The following FADS2 variants were observed in gnomAD, a reference collection of about 807,000 sequenced individuals.
FADS2 encodes the protein fatty acid desaturase 2, also known as acyl-CoA 6-desaturase.
Under a neutral mutation model 61.2 loss-of-function variants are expected in FADS2, and 18 were observed. The observed-to-expected ratio is 0.29, with a 90% confidence interval of 0.20 to 0.44. The LOEUF is 0.44. FADS2 is among the 20% of genes least tolerant of loss of function. The pLI is 1.00. For missense variants in FADS2, 322 were observed against 572.7 expected, an observed-to-expected ratio of 0.56 and a Z score of 4.47; for synonymous variants, 203 against 223.9, an observed-to-expected ratio of 0.91 and a Z score of 0.83.
chr11:61,820,839 G>A (rs915710210), intron 1 of FADS2, among the ~76,000 whole-genome samples: 1 of 152,156 alleles, frequency 6.6e-6, no homozygotes, highest in Non-Finnish European at 1.5e-5. Flanking sequence ...GGCAAAGGTT[G>A]CAGTGAGCCG....
intron 7 of FADS2, chr11:61,862,712 C>T: frequency 2.0e-6 from 1 of 491,168 alleles, no homozygotes. Flanking sequence ...GGCTGCCCCT[C>T]AGCAGGAGGG....
chr11:61,837,723 C>G, intron 1 of FADS2, 55 bp from the exon 2 acceptor site: 1 of 1,266,054 alleles, frequency 7.9e-7, no homozygotes, highest in Non-Finnish European at 1.1e-6. Context: ...CTCCTTGGGG[C>G]CCAAGAGCAG....
At chr11:61,846,957 T>G (rs978713934) in intron 4 of FADS2, 1 of 150,348 alleles carries the variant, frequency 6.7e-6, no homozygotes, top group Non-Finnish European at 1.5e-5. Context: ...GTTCTCACTT[T>G]TTTTTTTTTT....
intron 7 of FADS2, among the ~76,000 whole-genome samples, chr11:61,860,658 C>G (rs2067405831): frequency 6.6e-6 from 1 of 152,248 alleles, no homozygotes; most frequent in African/African-American, 2.4e-5. Flanking sequence ...TGGCTCACGC[C>G]TGTGATCTCA....
At chr11:61,825,999 G>A (rs1050911600), upstream of FADS2, 3 of 692,402 alleles carry the variant, frequency 4.3e-6, no homozygotes, top group Non-Finnish European at 2.7e-6. Context: ...CTCGAGCACT[G>A]CCCTCATCTT....
chr11:61,837,664 C>T (rs543581613), intron 1 of FADS2, 114 bp from the exon 2 acceptor site: 57 of 712,118 alleles, frequency 8.0e-5, no homozygotes, highest in African/African-American at 7.3e-4. Flanking sequence ...CAGGAGACCC[C>T]GTTTGGTGTC....
upstream of FADS2, among the ~76,000 whole-genome samples, chr11:61,824,486 G>A (rs1381735543): frequency 4.5e-3 from 42 of 9,272 alleles, 11 homozygotes; most frequent in East Asian, 0.12. Flanking sequence ...GAGAGAGAGA[G>A]AGAGAAAGAA....
chr11:61,865,621 C>T lies in FADS2; in HGVS notation c.1284-17C>T. 1.9e-6 allele frequency: 3 copies of T among 1,612,328 alleles called. No individual in the cohort carries two copies. The highest frequency in any genetic ancestry group is 2.5e-6 in the Non-Finnish European group (3 of 1,178,974). ...CCCGTCCTGGTCCCTGACCCTGGTC[C>T]ATCCCCAACTTTGCAGGTCCCTGAA... On this transcript the variant is annotated splice_polypyrimidine_tract_variant and intron_variant, in intron 11 of 11. Coordinates refer to ENST00000278840, the MANE Select transcript of FADS2 (RefSeq NM_004265.4). The surrounding 1 kb of genome is among the most constrained non-coding windows in gnomAD (Gnocchi z 4.1).
At chr11:61,857,582 G>C in intron 7 of FADS2, 52 bp downstream of exon 7, 1 of 1,497,102 alleles carries the variant, frequency 6.7e-7, no homozygotes, top group Middle Eastern at 1.7e-4. Context: ...GACTGGGACA[G>C]GGGGACCCGG....
upstream of FADS2, chr11:61,825,896 A>C: frequency 3.4e-6 from 2 of 591,030 alleles, no homozygotes; most frequent in South Asian, 4.1e-5. Flanking sequence ...GCATCTCAAA[A>C]AAAAATTAGA....
At chr11:61,833,933 G>A (rs550357416) in intron 1 of FADS2, among the ~76,000 whole-genome samples, 70 of 152,324 alleles carry the variant, frequency 4.6e-4, no homozygotes, top group African/African-American at 1.3e-3. Flanking sequence ...TTATTGCAGC[G>A]AACAAGACAG....
upstream of FADS2, among the ~76,000 whole-genome samples, chr11:61,824,513 A>G (rs867357021): frequency 1.0e-3 from 122 of 117,008 alleles, 6 homozygotes; most frequent in Admixed American, 2.0e-3. Context: ...GAAAGAAAGA[A>G]AGAAAGAAAG....
At chr11:61,852,085 A>G (rs1039795253) in intron 5 of FADS2, among the ~76,000 whole-genome samples, 2 of 152,094 alleles carry the variant, frequency 1.3e-5, no homozygotes, top group African/African-American at 2.4e-5. Context: ...TTGCTTCTTC[A>G]TATGAGGCAG....
rs61897796 is a variant in FADS2, at chr11:61,853,243, T to G, written c.745-3768T>G. 9.8e-4 allele frequency among the ~76,000 whole-genome samples: 71 copies of G among 72,520 alleles called. No individual in the cohort carries two copies. In the South Asian group the frequency reaches 0.022, roughly 23 times the overall value. 47.6% of individuals were successfully genotyped at this position (72,520 alleles called of 152,430 possible). ...CTCTTTCTTTCTTCTCTTTCTTTCT[T>G]TCTCTCTCTCTTTCTTTCTCTCCCT... On this transcript the variant is annotated intron_variant, in intron 5 of 11. Transcript: ENST00000278840.
intron 1 of FADS2, among the ~76,000 whole-genome samples, chr11:61,834,512 C>T (rs754954691): frequency 6.6e-6 from 1 of 152,150 alleles, no homozygotes; most frequent in Non-Finnish European, 1.5e-5. Context: ...TGCCCGAGAG[C>T]CCTCTGGAAA....
At chr11:61,821,341 G>A (rs1391655137) in intron 1 of FADS2, 7 of 696,746 alleles carry the variant, frequency 1.0e-5, no homozygotes, top group Non-Finnish European at 1.8e-5. Flanking sequence ...ACAACATAGT[G>A]AGACCCCTTC....
In FADS2 at chr11:61,857,457, G is replaced by C. The variant is rs1186511242; in HGVS notation, c.809G>C (p.Gly270Ala). Residue 270 changes from glycine to alanine, a missense_variant, in exon 7 of 12, where the codon GGG becomes GCG. Around this residue, in one of 3 missense-constraint regions of FADS2, gnomAD observed 221 missense variants for 427.9 expected, o/e 0.52. Coordinates refer to ENST00000278840, the MANE Select transcript of FADS2 (RefSeq NM_004265.4). ...NHQHEYFFLI[G>A]PPLLIPMYFQ... ...AGCGCCTGTCTCTCTCCTGCAGTTG[G>C]GCCGCCGCTGCTCATCCCCATGTAT... The C allele has an allele frequency of 6.2e-7, 1 of 1,613,878 alleles. No individual in the cohort carries two copies. The highest frequency in any genetic ancestry group is 8.5e-7 in the Non-Finnish European group (1 of 1,179,918).
intron 1 of FADS2, among the ~76,000 whole-genome samples, chr11:61,819,664 A>C (rs923474829): frequency 6.6e-6 from 1 of 152,236 alleles, no homozygotes; most frequent in African/African-American, 2.4e-5. Context: ...CAGACATTGA[A>C]AATAATGTCA....
At chr11:61,842,852 G>C (rs2067227673) in intron 4 of FADS2, among the ~76,000 whole-genome samples, 1 of 152,248 alleles carries the variant, frequency 6.6e-6, no homozygotes, top group Admixed American at 6.5e-5. Flanking sequence ...CTGGGAAAAA[G>C]GGGACTGGCT....
Sources: allele counts gnomAD v4.1 joint callset (sites outside exome capture counted in the v4.1 genomes callset), GRCh38; gene constraint gnomAD v4.1.1; regional missense constraint gnomAD v4.1.1; non-coding constraint Gnocchi (gnomAD v3.1); transcripts MANE v1.5; gene names NCBI Gene and HGNC (gene_info 2026-07-23, HGNC 2026-07-21).